Variants in DOCK3 observed in about 807,000 individuals in gnomAD.
The protein encoded by DOCK3 is dedicator of cytokinesis 3.
Under a neutral mutation model 265.6 loss-of-function variants are expected in DOCK3, and 60 were observed. That is an observed-to-expected ratio of 0.23 (90% CI 0.18 to 0.28). DOCK3 has a LOEUF of 0.28. DOCK3 is among the 10% of genes least tolerant of loss of function. The pLI is 1.00. For synonymous variants in DOCK3, 881 were observed against 938.0 expected (o/e 0.94, Z 1.11); for missense variants, 1,981 against 2,594.3 (o/e 0.76, Z 5.14).
intron 6 of DOCK3, among the ~76,000 whole-genome samples, chr3:51,070,497 C>G (rs2109332157): frequency 6.6e-6 from 1 of 152,284 alleles, no homozygotes; most frequent in East Asian, 1.9e-4. Flanking sequence ...ATACTGTCTA[C>G]TTCCCAAAGT....
At chr3:51,283,202 C>T (rs1000526632) in intron 27 of DOCK3, among the ~76,000 whole-genome samples, 4 of 152,160 alleles carry the variant, frequency 2.6e-5, no homozygotes, top group African/African-American at 9.7e-5. Flanking sequence ...GAAACATCCA[C>T]ATTGAATGGG....
chr3:50,983,878 G>A (rs2077794176), intron 5 of DOCK3, among the ~76,000 whole-genome samples: 1 of 152,162 alleles, frequency 6.6e-6, no homozygotes, highest in Admixed American at 6.5e-5. Context: ...TATGACTCGA[G>A]CCAGGGCTAT....
At chr3:51,255,428 G>A (rs1420769624) in intron 22 of DOCK3, among the ~76,000 whole-genome samples, 4 of 152,076 alleles carry the variant, frequency 2.6e-5, no homozygotes, top group Non-Finnish European at 5.9e-5. Context: ...TGCTAGGTTG[G>A]GGAAGTTCTC....
intron 49 of DOCK3, among the ~76,000 whole-genome samples, chr3:51,369,426 C>G (rs532842740): frequency 6.6e-6 from 1 of 152,130 alleles, no homozygotes; most frequent in East Asian, 1.9e-4. Context: ...ATTCGATCAA[C>G]TGGAAGAAAG....
chr3:50,727,090 T>C (rs1379028102), intron 1 of DOCK3, among the ~76,000 whole-genome samples: 2 of 152,114 alleles, frequency 1.3e-5, no homozygotes, highest in Non-Finnish European at 2.9e-5. Flanking sequence ...AATGGGACTG[T>C]TAGAACCAAT....
chr3:50,742,302 A>C lies in DOCK3; in HGVS notation c.38-36373A>C, dbSNP rs376869447. Among the ~76,000 whole-genome samples, 2 of 152,192 alleles carry C rather than the reference A, an allele frequency of 1.3e-5. 1 individual carries two copies. The highest frequency in any genetic ancestry group is 4.1e-4 in the South Asian group (2 of 4,830). ...AAAGCAGAGCGCCTCTCCTCCTCCA[A>C]AGGAACGCAGCTCCTCACCAGCAAC... is the stretch of plus-strand genomic sequence containing the variant. On this transcript the variant is annotated intron_variant, in intron 1 of 52. Coordinates refer to ENST00000266037, the MANE Select transcript of DOCK3 (RefSeq NM_004947.5).
At chr3:51,027,588 C>T (rs750799020) in intron 5 of DOCK3, among the ~76,000 whole-genome samples, 1 of 151,930 alleles carries the variant, frequency 6.6e-6, no homozygotes, top group Non-Finnish European at 1.5e-5. Context: ...TTTCTTAGGT[C>T]TAGTTGTAAT....
intron 12 of DOCK3, among the ~76,000 whole-genome samples, chr3:51,192,006 T>G (rs1342670311): frequency 6.7e-6 from 1 of 149,866 alleles, no homozygotes; most frequent in African/African-American, 2.4e-5. Flanking sequence ...TTTGCTAGAG[T>G]AAACAGACAA....
chr3:51,256,025 A>T (rs1350607229), intron 22 of DOCK3, among the ~76,000 whole-genome samples: 1 of 152,106 alleles, frequency 6.6e-6, no homozygotes, highest in Non-Finnish European at 1.5e-5. Context: ...GTCTTTGATG[A>T]TGGTGACATA....
At chr3:50,999,638 A>G (rs758401967) in intron 5 of DOCK3, among the ~76,000 whole-genome samples, 4 of 152,154 alleles carry the variant, frequency 2.6e-5, no homozygotes, top group African/African-American at 7.2e-5. Flanking sequence ...TCCACTGTCT[A>G]TCCAACGTTT....
intron 12 of DOCK3, among the ~76,000 whole-genome samples, chr3:51,175,893 C>T (rs2086917719): frequency 6.6e-6 from 1 of 152,176 alleles, no homozygotes; most frequent in Admixed American, 6.5e-5. Context: ...CATGGATCTT[C>T]ATCTATCCAG....
At chr3:51,206,811 C>T (rs961051837) in intron 12 of DOCK3, among the ~76,000 whole-genome samples, 11 of 152,022 alleles carry the variant, frequency 7.2e-5, no homozygotes, top group Admixed American at 1.3e-4. Context: ...ATTATTATAC[C>T]GGTCCAGAAG....
intron 35 of DOCK3, 87 bp downstream of exon 35, chr3:51,333,340 A>C: frequency 1.5e-6 from 2 of 1,309,064 alleles, no homozygotes; most frequent in Non-Finnish European, 2.2e-6. Flanking sequence ...AACTGAGACC[A>C]TGTGCTCTTC....
rs1481393996 is a variant in DOCK3, at chr3:51,338,343, G to A, written c.3612-16G>A. 1.9e-6 allele frequency: 3 copies of A among 1,551,540 alleles called. No individual in the cohort carries two copies. The highest frequency in any genetic ancestry group is 2.6e-6 in the Non-Finnish European group (3 of 1,146,954). On this transcript the variant is annotated splice_polypyrimidine_tract_variant and intron_variant, in intron 35 of 52. Transcript: ENST00000266037. ...CCCACTTCATATCTGGTGCTCATCTGTGCTCTCTCTTCCAGGGACTGCATG... is the reference window on the plus strand; with the variant it reads ...CCCACTTCATATCTGGTGCTCATCTATGCTCTCTCTTCCAGGGACTGCATG...
chr3:50,836,045 T>C (rs2045489469), intron 2 of DOCK3, among the ~76,000 whole-genome samples: 1 of 152,146 alleles, frequency 6.6e-6, no homozygotes. Context: ...ACCAAAATTC[T>C]CTCATAATGT....
intron 5 of DOCK3, among the ~76,000 whole-genome samples, chr3:50,958,400 T>C (rs9882122): frequency 0.019 from 2,880 of 152,088 alleles, 98 homozygotes; most frequent in African/African-American, 0.065. Context: ...ATTGGCTTGT[T>C]AGTTATATCT....
chr3:51,213,985 A>T, intron 13 of DOCK3, 137 bp from the exon 14 acceptor site: 1 of 1,135,032 alleles, frequency 8.8e-7, no homozygotes, highest in Admixed American at 2.4e-5. Flanking sequence ...AATAACTTAT[A>T]CTGTCTGCAT....
intron 7 of DOCK3, among the ~76,000 whole-genome samples, chr3:51,082,262 A>G (rs1387599505): frequency 2.0e-5 from 3 of 151,880 alleles, no homozygotes; most frequent in African/African-American, 7.3e-5. Flanking sequence ...CCTAGCTCCC[A>G]CCAGACTGCG....
At chr3:50,904,734 C>T (rs2049388270) in intron 4 of DOCK3, among the ~76,000 whole-genome samples, 1 of 152,076 alleles carries the variant, frequency 6.6e-6, no homozygotes, top group South Asian at 2.1e-4. Context: ...TGCCTGTTCA[C>T]TCTGATGGTA....
Sources: allele counts gnomAD v4.1 joint callset (sites outside exome capture counted in the v4.1 genomes callset), GRCh38; gene constraint gnomAD v4.1.1; transcripts MANE v1.5; gene names NCBI Gene and HGNC (gene_info 2026-07-23, HGNC 2026-07-21).